Variants in GPHN observed in about 807,000 individuals in gnomAD.
The protein encoded by GPHN is gephyrin.
In GPHN, 17 loss-of-function variants were observed where a neutral mutation model predicts 95.5. That is an observed-to-expected ratio of 0.18 (90% CI 0.12 to 0.27). The LOEUF is 0.27. GPHN is among the 10% of genes least tolerant of loss of function. The pLI is 1.00. For synonymous variants in GPHN, 320 were observed against 322.5 expected (o/e 0.99, Z 0.08); for missense variants, 660 against 978.1 (o/e 0.67, Z 4.34).
chr14:66,831,102 C>T (rs534011506), intron 4 of GPHN, among the ~76,000 whole-genome samples: 28 of 152,102 alleles, frequency 1.8e-4, no homozygotes, highest in East Asian at 7.7e-4. Context: ...GTTTGTTACT[C>T]TTGTGAAAGA....
the GPHN span, among the ~76,000 whole-genome samples, chr14:67,594,209 C>T: frequency 0.42 from 63,945 of 152,062 alleles, 15,510 homozygotes; most frequent in Non-Finnish European, 0.56. Context: ...ATCAGCTGAA[C>T]GCAGTAGCTT....
chr14:67,189,163 T>C, the GPHN span, among the ~76,000 whole-genome samples: 1 of 152,222 alleles, frequency 6.6e-6, no homozygotes, highest in Admixed American at 6.5e-5. Flanking sequence ...CTGATATTTT[T>C]CCCGTGGTTA....
At chr14:66,592,629 AT>A (rs2061777725) in intron 1 of GPHN, among the ~76,000 whole-genome samples, 4 of 152,224 alleles carry the variant, frequency 2.6e-5, no homozygotes, top group Non-Finnish European at 5.9e-5. Context: ...TAAAATGGCT[AT>A]CATTAAAATG....
intron 6 of GPHN, among the ~76,000 whole-genome samples, chr14:66,916,347 C>G (rs558145566): frequency 6.6e-6 from 1 of 152,076 alleles, no homozygotes; most frequent in African/African-American, 2.4e-5. Flanking sequence ...GGAATACTAC[C>G]AAACACAGAG....
At chr14:67,600,258 C>T in the GPHN span, 1 of 1,418,812 alleles carries the variant, frequency 7.0e-7, no homozygotes, top group South Asian at 1.4e-5. Flanking sequence ...CTCGCCGGCC[C>T]TGGCCGTCTC....
the GPHN span, chr14:67,332,675 G>A: frequency 1.8e-6 from 2 of 1,084,928 alleles, no homozygotes; most frequent in Non-Finnish European, 2.6e-6. Flanking sequence ...AGAGACAGAA[G>A]GAAAGCTATG....
chr14:66,697,939 C>T (rs1333391050), intron 2 of GPHN, among the ~76,000 whole-genome samples: 1 of 152,094 alleles, frequency 6.6e-6, no homozygotes, highest in African/African-American at 2.4e-5. Flanking sequence ...AAGAGATCCT[C>T]CTGCCTCAGC....
chr14:66,746,743 A>G (rs10148162), intron 2 of GPHN, among the ~76,000 whole-genome samples: 49,649 of 151,918 alleles, frequency 0.33, 11,881 homozygotes, highest in African/African-American at 0.65. Context: ...ACCATTTAGC[A>G]CTGGTGATAA....
At chr14:67,055,538 A>C (rs2075520071) in intron 10 of GPHN, among the ~76,000 whole-genome samples, 1 of 152,258 alleles carries the variant, frequency 6.6e-6, no homozygotes, top group Non-Finnish European at 1.5e-5. Flanking sequence ...TTGATCCAGC[A>C]ATCCCATTAC....
At chr14:66,928,529 T>C (rs777638916) in intron 8 of GPHN, among the ~76,000 whole-genome samples, 1 of 152,318 alleles carries the variant, frequency 6.6e-6, no homozygotes, top group Non-Finnish European at 1.5e-5. Flanking sequence ...CATTTATTGC[T>C]GCTCTGATCT....
chr14:67,642,798 T>C, the GPHN span, among the ~76,000 whole-genome samples: 23 of 94,962 alleles, frequency 2.4e-4, no homozygotes, highest in Admixed American at 2.2e-4. Flanking sequence ...ATTTTCTTTT[T>C]TTTTTTTTTT....
the GPHN span, among the ~76,000 whole-genome samples, chr14:67,511,848 A>C: frequency 1.3e-5 from 2 of 152,240 alleles, no homozygotes; most frequent in East Asian, 3.8e-4. Context: ...GATGAATGGG[A>C]AAACAGGGAA....
At chr14:67,320,995 A>C in the GPHN span, 7,870 of 1,388,540 alleles carry the variant, frequency 5.7e-3, 30 homozygotes, top group Non-Finnish European at 6.1e-3. Flanking sequence ...TGACTAGCAG[A>C]ATTATCCCCT....
chr14:67,658,488 T>C, the GPHN span, among the ~76,000 whole-genome samples: 1 of 152,198 alleles, frequency 6.6e-6, no homozygotes, highest in South Asian at 2.1e-4. Context: ...TCCCAGCTAC[T>C]TGGGAGGCTG....
the GPHN span, chr14:67,706,087 A>G: frequency 6.6e-6 from 1 of 152,190 alleles, no homozygotes; most frequent in African/African-American, 2.4e-5. Flanking sequence ...CAGCATCAAT[A>G]TAGTGACCTC....
chr14:67,256,701 C>T, the GPHN span, among the ~76,000 whole-genome samples: 2 of 151,862 alleles, frequency 1.3e-5, no homozygotes, highest in African/African-American at 4.8e-5. Flanking sequence ...GCATGTGCCA[C>T]CACACCTGAC....
chr14:67,292,335 T>A, the GPHN span, among the ~76,000 whole-genome samples: 1 of 152,234 alleles, frequency 6.6e-6, no homozygotes, highest in East Asian at 1.9e-4. Context: ...GTGTAATTTT[T>A]AAAAGAGTTT....
chr14:66,881,239 G>A (rs892201615), intron 5 of GPHN, among the ~76,000 whole-genome samples: 1 of 151,820 alleles, frequency 6.6e-6, no homozygotes, highest in Non-Finnish European at 1.5e-5. Flanking sequence ...AAGAATTAAA[G>A]TACCACGATA....
chr14:66,510,541 T>G (rs993653401), intron 1 of GPHN, among the ~76,000 whole-genome samples: 1 of 152,218 alleles, frequency 6.6e-6, no homozygotes, highest in Admixed American at 6.5e-5. Context: ...GAAGAAACAT[T>G]GTATGTAATT....
Sources: gnomAD v4.1 joint callset for allele counts (sites outside exome capture counted in the v4.1 genomes callset) on GRCh38, gnomAD v4.1.1 for gene constraint, MANE v1.5 for transcripts, NCBI Gene and HGNC (gene_info 2026-07-23, HGNC 2026-07-21) for gene names.